PRMT2: variants seen among roughly 807,000 people sequenced by gnomAD.
PRMT2 encodes protein arginine methyltransferase 2, also known as protein arginine N-methyltransferase 2.
Under a neutral mutation model 57.6 loss-of-function variants are expected in PRMT2, and 26 were observed. That is an observed-to-expected ratio of 0.45 (90% CI 0.33 to 0.63). The LOEUF (loss-of-function observed/expected upper bound fraction) is 0.63, where lower values mean the gene tolerates loss of function less well. PRMT2 is among the 20% of genes least tolerant of loss of function. PRMT2 has a pLI of 0.02. For missense variants in PRMT2, 472 were observed against 564.4 expected (o/e 0.84, Z 1.66); for synonymous variants, 219 against 220.0 (o/e 1.00, Z 0.04).
chr21:46,659,665 G>T, intron 8 of PRMT2: 5 of 985,474 alleles, frequency 5.1e-6, no homozygotes, highest in Non-Finnish European at 6.0e-6. Flanking sequence ...GCCTGGCAGT[G>T]GCAGGGAGGT....
intron 7 of PRMT2, chr21:46,652,010 T>A: frequency 6.2e-7 from 1 of 1,613,194 alleles, no homozygotes; most frequent in Non-Finnish European, 8.5e-7. Context: ...ACTCTGACGC[T>A]GACATGTAGT....
intron 11 of PRMT2, 89 bp downstream of exon 11, chr21:46,663,643 C>A: frequency 7.3e-7 from 1 of 1,371,256 alleles, no homozygotes; most frequent in Non-Finnish European, 1.0e-6. Context: ...CAGATGCTGG[C>A]CCACACTGGG....
intron 10 of PRMT2, among the ~76,000 whole-genome samples, chr21:46,663,092 T>G (rs905955497): frequency 6.6e-6 from 1 of 152,128 alleles, no homozygotes; most frequent in Non-Finnish European, 1.5e-5. Flanking sequence ...GGAATCTGAG[T>G]GGTCTCAGGA....
At chr21:46,652,937 C>T in intron 7 of PRMT2, 1 of 1,298,482 alleles carries the variant, frequency 7.7e-7, no homozygotes, top group Non-Finnish European at 1.0e-6. Flanking sequence ...GCCAGTGGCA[C>T]TGCAGGTGCA....
In PRMT2 at chr21:46,649,549, C is replaced by T. The variant is rs570678390; in HGVS notation, c.490-26C>T. 9.7e-5 allele frequency: 156 copies of T among 1,613,720 alleles called. No homozygotes were observed. Among genetic ancestry groups the T allele is most frequent in the Admixed American group, 4.7e-4 (28 of 60,020 alleles). ...ACGGGCCGTGTGCCGGCCGGATGTA[C>T]GCTGACGGTGCCTCTGCTGCTGCAG... On this transcript the variant is annotated intron_variant, in intron 6 of 11. Coordinates refer to ENST00000355680, the MANE Select transcript of PRMT2 (RefSeq NM_206962.4). This position sits in a 1 kb window ranked among gnomAD's most constrained non-coding sequence, Gnocchi z 4.8.
intron 5 of PRMT2, among the ~76,000 whole-genome samples, chr21:46,645,656 C>G (rs1388424890): frequency 5.9e-5 from 9 of 151,624 alleles, no homozygotes; most frequent in Admixed American, 5.9e-4. Context: ...GGCAAAGAAT[C>G]TATAACGTTT....
chr21:46,636,736 C>T (rs2061178350), intron 2 of PRMT2, among the ~76,000 whole-genome samples, 160 bp from the exon 3 acceptor site: 1 of 152,274 alleles, frequency 6.6e-6, no homozygotes, highest in Middle Eastern at 3.4e-3. Context: ...ATGCTTTTGT[C>T]TCTGTAAAGT....
intron 8 of PRMT2, 178 bp downstream of exon 8, chr21:46,659,098 C>T: frequency 7.2e-7 from 1 of 1,387,546 alleles, no homozygotes. Flanking sequence ...GGTGCTATAA[C>T]AAGACAGATG....
rs776480631 is a variant in PRMT2, at chr21:46,661,904, G to A, written c.1065G>A (p.Pro355=). The A allele has an allele frequency of 6.1e-6, 9 of 1,469,448 alleles. No homozygotes were observed. The highest frequency in any genetic ancestry group is 4.0e-5 in the South Asian group (3 of 74,548). The allele number at this position is 1,469,448 out of a possible 1,614,324, so 91.0% of individuals were successfully genotyped here. A position where few individuals can be genotyped will look rare whatever the true frequency, so the allele number is the denominator to read the frequency against. Residue 355 remains proline (P), a synonymous_variant, in exon 10 of 12, where the codon CCG becomes CCA. Coordinates refer to ENST00000355680, the MANE Select transcript of PRMT2 (RefSeq NM_206962.4). ...TCCAGAGCCTGCAGGAGGGGCAGCC[G>A]CCGCAGGTGCTCAGCACCGGGCCCT... ...VHFQSLQEGQ[P]PQVLSTGPFH...
intron 3 of PRMT2, among the ~76,000 whole-genome samples, chr21:46,639,511 C>T (rs1395769463): frequency 1.3e-5 from 2 of 151,816 alleles, no homozygotes; most frequent in Non-Finnish European, 1.5e-5. Flanking sequence ...TTTTGAGTCC[C>T]TGTTATTGGG....
chr21:46,664,258 A>G lies in PRMT2; in HGVS notation c.1270-37A>G, dbSNP rs377133405. Reference sequence around the variant, plus strand: ...ATGTAGTATGTTAATCAAATGATTTATCATCTGATTGACCTGTTGTCATTT... The same window carrying G: ...ATGTAGTATGTTAATCAAATGATTTGTCATCTGATTGACCTGTTGTCATTT... On this transcript the variant is annotated intron_variant, in intron 11 of 11. Transcript: ENST00000355680. 6.0e-6 allele frequency: 9 copies of G among 1,498,506 alleles called. 1 individual carries two copies. In the East Asian group the frequency reaches 1.8e-4, roughly 30 times the overall value. The allele number at this position is 1,498,506 out of a possible 1,614,324, so 92.8% of individuals were successfully genotyped here. A position where few individuals can be genotyped will look rare whatever the true frequency, so the allele number is the denominator to read the frequency against.
chr21:46,659,472 G>A, intron 8 of PRMT2: 1 of 984,804 alleles, frequency 1.0e-6, no homozygotes, highest in Non-Finnish European at 1.2e-6. Flanking sequence ...ATTAGAAAGA[G>A]ATGACTAGCC....
chr21:46,659,880 T>G (rs2061594597), intron 8 of PRMT2: 1 of 985,438 alleles, frequency 1.0e-6, no homozygotes, highest in Non-Finnish European at 1.2e-6. Context: ...GTAATGATAT[T>G]TAGAAAGGGT....
chr21:46,661,895 G>C lies in PRMT2; in HGVS notation c.1056G>C (p.Glu352Asp). The C allele has an allele frequency of 2.0e-6, 3 of 1,489,980 alleles. No individual in the cohort carries two copies. The highest frequency in any genetic ancestry group is 2.7e-6 in the Non-Finnish European group (3 of 1,112,856). The allele number at this position is 1,489,980 out of a possible 1,614,324, so 92.3% of individuals were successfully genotyped here. A position where few individuals can be genotyped will look rare whatever the true frequency, so the allele number is the denominator to read the frequency against. The change falls in exon 10 of 12, where the codon GAG (glutamate) becomes GAC (aspartate). Residue 352 changes from glutamate (E) to aspartate (D), a missense_variant. Physicochemically the swap from Glu to Asp is conservative, Grantham distance 45 (BLOSUM62 2). This residue lies in a region of PRMT2 where 229 missense variants were observed against 217.2 expected (regional missense o/e 1.05). Transcript: ENST00000355680. ...GCGTCCACTTCCAGAGCCTGCAGGA[G>C]GGGCAGCCGCCGCAGGTGCTCAGCA... ...WFSVHFQSLQ[E>D]GQPPQVLSTG...
intron 7 of PRMT2, chr21:46,653,745 ATTCC>A: frequency 8.4e-7 from 1 of 1,193,094 alleles, no homozygotes; most frequent in South Asian, 1.7e-5. Context: ...ACTCTTCTGG[ATTCC>A]TTGGTTTTAA....
intron 7 of PRMT2, chr21:46,656,936 A>T (rs1422369415): frequency 6.6e-6 from 1 of 152,242 alleles, no homozygotes; most frequent in Non-Finnish European, 1.5e-5. Flanking sequence ...GTGTGTTCTG[A>T]ATATACAGAG....
chr21:46,658,588 G>T, intron 7 of PRMT2, 157 bp from the exon 8 acceptor site: 1 of 1,343,170 alleles, frequency 7.4e-7, no homozygotes, highest in Non-Finnish European at 9.9e-7. Context: ...ATAAACCCTC[G>T]AGATGTTCTC....
rs769917481 is a variant in PRMT2, at chr21:46,664,609, G to A, written c.*282G>A. The stretch of plus-strand genomic sequence containing the variant: ...CCCGTGGTGCCCACAGTGCCGACCC[G>A]TGGCTGGGTCGGAGCTCCATGTTCC... On this transcript the variant is annotated 3_prime_UTR_variant, in exon 12 of 12. Coordinates refer to ENST00000355680, the MANE Select transcript of PRMT2 (RefSeq NM_206962.4). The A allele has an allele frequency of 1.7e-5, 9 of 533,902 alleles. No individual in the cohort carries two copies. The highest frequency in any genetic ancestry group is 6.6e-5 in the South Asian group (3 of 45,236). 33.1% of individuals were successfully genotyped at this position (533,902 alleles called of 1,614,324 possible).
chr21:46,661,761 C>T, intron 9 of PRMT2, 39 bp from the exon 10 acceptor site: 7 of 1,301,944 alleles, frequency 5.4e-6, no homozygotes, highest in East Asian at 3.1e-5. Context: ...TGCGGTGCCA[C>T]GCGGTGCCCA....
Sources: gnomAD v4.1 joint callset for allele counts (sites outside exome capture counted in the v4.1 genomes callset) on GRCh38, gnomAD v4.1.1 for gene constraint, gnomAD v4.1.1 regional missense constraint, Gnocchi (gnomAD v3.1) non-coding constraint, MANE v1.5 for transcripts, NCBI Gene and HGNC (gene_info 2026-07-23, HGNC 2026-07-21) for gene names.